RSPO1: variants seen among roughly 807,000 people sequenced by gnomAD.
The protein encoded by RSPO1 is R-spondin-1.
A neutral mutation model predicts 26.0 loss-of-function variants in RSPO1; 18 were observed. The ratio of observed to expected loss-of-function variants is 0.69; its 90% CI spans 0.48 to 1.03. The LOEUF (loss-of-function observed/expected upper bound fraction) is 1.03, where lower values mean the gene tolerates loss of function less well. RSPO1 is among the 50% of genes least tolerant of loss of function. The probability of loss-of-function intolerance (pLI) is 0.00; values close to 1 mark genes in which losing one functional copy is unlikely to be tolerated. For synonymous variants in RSPO1, 133 were observed against 137.4 expected, an observed-to-expected ratio of 0.97 and a Z score of 0.22; for missense variants, 309 against 352.3, an observed-to-expected ratio of 0.88 and a Z score of 0.98.
chr1:37,625,628 G>A (rs1428242075), intron 3 of RSPO1, among the ~76,000 whole-genome samples: 2 of 151,934 alleles, frequency 1.3e-5, no homozygotes, highest in Non-Finnish European at 2.9e-5. Flanking sequence ...GGCTTCCTGG[G>A]ACCTGCACAT....
At chr1:37,627,359 C>T (rs1644292892) in intron 3 of RSPO1, among the ~76,000 whole-genome samples, 1 of 146,016 alleles carries the variant, frequency 6.8e-6, no homozygotes, top group African/African-American at 2.5e-5. Flanking sequence ...ATGATTTGCA[C>T]CCAGAGTCTA....
chr1:37,632,443 G>C (rs1334775673), intron 1 of RSPO1, 90 bp from the exon 2 acceptor site: 1 of 152,220 alleles, frequency 6.6e-6, no homozygotes, highest in African/African-American at 2.4e-5. Context: ...AGAGTTGCAA[G>C]CACTTTTTGA....
intron 3 of RSPO1, among the ~76,000 whole-genome samples, chr1:37,622,024 G>C (rs908578423): frequency 2.0e-5 from 3 of 152,094 alleles, no homozygotes; most frequent in Non-Finnish European, 4.4e-5. Flanking sequence ...AGTCCATGAG[G>C]TGGCAAGAAG....
intron 3 of RSPO1, among the ~76,000 whole-genome samples, chr1:37,626,689 CAGTGAGAAG>C (rs1644281324): frequency 6.6e-6 from 1 of 152,016 alleles, no homozygotes; most frequent in Non-Finnish European, 1.5e-5. Flanking sequence ...GAGGATGGGG[CAGTGAGAAG>C]AGGCACAAAG....
At chr1:37,628,396 G>C (rs998988308) in intron 3 of RSPO1, among the ~76,000 whole-genome samples, 2 of 152,144 alleles carry the variant, frequency 1.3e-5, no homozygotes, top group African/African-American at 4.8e-5. Context: ...TCTCTCCCTG[G>C]GCTGAGTCCT....
chr1:37,614,261 A>G lies in RSPO1; in HGVS notation c.359T>C (p.Leu120Pro). 1 of 1,613,864 alleles carries G rather than the reference A, an allele frequency of 6.2e-7. No homozygotes were observed. Among genetic ancestry groups the G allele is most frequent in the African/African-American group, 1.3e-5 (1 of 75,050 alleles). The stretch of plus-strand genomic sequence containing the variant: ...AGCTGGATAGCAGCGGCCCTTGTGC[A>G]GGTACAAGCCCTCCTTACACTTGGT... ...FCTKCKEGLYLHKGRCYPACP... is the reference protein window; with the variant it reads ...FCTKCKEGLYPHKGRCYPACP... The change falls in exon 5 of 7, where the codon CTG becomes CCG. Residue 120 changes from leucine (L) to proline (P), a missense_variant. Transcript: ENST00000356545.
In RSPO1 at chr1:37,613,370, A is replaced by G. The variant is rs1329749574; in HGVS notation, c.625+334T>C. 6.6e-6 allele frequency among the ~76,000 whole-genome samples: 1 copy of G among 152,162 alleles called. No homozygotes were observed. Among genetic ancestry groups the G allele is most frequent in the Non-Finnish European group, 1.5e-5 (1 of 68,040 alleles). ...GCTGTGTGACTTTGGTGGAATCACTACACCCCTCTGGGTCTTAGTGCCCCT... is the reference window on the plus strand; with the variant it reads ...GCTGTGTGACTTTGGTGGAATCACTGCACCCCTCTGGGTCTTAGTGCCCCT... On this transcript the variant is annotated intron_variant, in intron 6 of 6. Transcript: ENST00000356545. The surrounding 1 kb of genome is among the most constrained non-coding windows in gnomAD (Gnocchi z 4.5).
chr1:37,624,859 C>T (rs928114724), intron 3 of RSPO1, among the ~76,000 whole-genome samples: 3 of 152,178 alleles, frequency 2.0e-5, no homozygotes, highest in African/African-American at 4.8e-5. Flanking sequence ...TGGGCCCATC[C>T]CATCCACCTT....
intron 3 of RSPO1, among the ~76,000 whole-genome samples, chr1:37,626,655 C>A (rs1021432460): frequency 7.2e-5 from 11 of 152,076 alleles, no homozygotes; most frequent in Admixed American, 1.3e-4. Flanking sequence ...GCTGTCAGTG[C>A]AGCAGGGGTA....
At position 37,616,652 on chromosome 1, in the gene RSPO1, A is replaced by C; in HGVS notation, c.118T>G (p.Cys40Gly). The C allele has an allele frequency of 3.1e-6, 5 of 1,614,080 alleles. No individual in the cohort carries two copies. Among genetic ancestry groups the C allele is most frequent in the Non-Finnish European group, 4.2e-6 (5 of 1,180,024 alleles). Residue 40 changes from cysteine (C) to glycine (G), a missense_variant, in exon 4 of 7, where the codon TGT becomes GGT. Transcript: ENST00000356545. ...RRISAEGSQA[C>G]AKGCELCSEV... ...GAGCAGAGCTCACAGCCTTTGGCACAGGCCTGGCTCCCCTCGGCACTGACT... is the reference window on the plus strand; with the variant it reads ...GAGCAGAGCTCACAGCCTTTGGCACCGGCCTGGCTCCCCTCGGCACTGACT...
At chr1:37,631,821 T>G (rs2148187635) in intron 2 of RSPO1, 1 of 152,356 alleles carries the variant, frequency 6.6e-6, no homozygotes, top group East Asian at 1.9e-4. Context: ...TATGAACATG[T>G]TCTGTATCAT....
chr1:37,626,483 C>T (rs776306251), intron 3 of RSPO1, among the ~76,000 whole-genome samples: 9 of 152,194 alleles, frequency 5.9e-5, no homozygotes, highest in Non-Finnish European at 1.0e-4. Context: ...TTCTCCTGTG[C>T]GGCATTCCCG....
In RSPO1 at chr1:37,612,576, T is replaced by C; in HGVS notation, c.*179A>G. 1 of 692,474 alleles carries C rather than the reference T, an allele frequency of 1.4e-6. No individual in the cohort carries two copies. The highest frequency in any genetic ancestry group is 1.6e-5 in the South Asian group (1 of 61,710). 42.9% of individuals were successfully genotyped at this position (692,474 alleles called of 1,614,324 possible). A position where few individuals can be genotyped will look rare whatever the true frequency, so the allele number is the denominator to read the frequency against. On this transcript the variant is annotated 3_prime_UTR_variant, in exon 7 of 7. Coordinates refer to ENST00000356545, the MANE Select transcript of RSPO1 (RefSeq NM_001242908.2). ...GTGTACATGAACACACATGTGCAAG[T>C]ATGTATGGTTGTATATGTGGACAGG...
intron 3 of RSPO1, among the ~76,000 whole-genome samples, chr1:37,626,837 G>A (rs948180575): frequency 2.0e-5 from 3 of 152,060 alleles, no homozygotes; most frequent in Non-Finnish European, 4.4e-5. Context: ...TACTCAGTGC[G>A]AGGGATGAGT....
chr1:37,612,518 G>GTA lies in RSPO1; in HGVS notation c.*236_*237insTA. The GTA allele has an allele frequency of 3.4e-6, 2 of 594,676 alleles. No homozygotes were observed. Among genetic ancestry groups the GTA allele is most frequent in the Non-Finnish European group, 3.0e-6 (1 of 328,306 alleles). The allele number at this position is 594,676 out of a possible 1,614,324, so 36.8% of individuals were successfully genotyped here. On this transcript the variant is annotated 3_prime_UTR_variant, in exon 7 of 7. Coordinates refer to ENST00000356545, the MANE Select transcript of RSPO1 (RefSeq NM_001242908.2). ...GCCTCAGGTGTGTGTGTGTGTGTGT[G>GTA]TGTATGTGTGTGTGTGGTGTCTGTG...
chr1:37,611,555 G>A lies in RSPO1; in HGVS notation c.*1200C>T, dbSNP rs1456230272. 1 of 152,266 alleles carries A rather than the reference G, an allele frequency of 6.6e-6. No individual in the cohort carries two copies. Among genetic ancestry groups the A allele is most frequent in the African/African-American group, 2.4e-5 (1 of 41,432 alleles). The allele number at this position is 152,266 out of a possible 1,614,324, so 9.4% of individuals were successfully genotyped here. On this transcript the variant is annotated 3_prime_UTR_variant, in exon 7 of 7. Coordinates refer to ENST00000356545, the MANE Select transcript of RSPO1 (RefSeq NM_001242908.2). ...TGTTTGGCTCCTCCCTGGAAACCTA[G>A]CACCTAGTCCAGAGCCTGGCACACA...
chr1:37,630,392 C>T (rs922366609), intron 2 of RSPO1, among the ~76,000 whole-genome samples: 1 of 152,222 alleles, frequency 6.6e-6, no homozygotes, highest in Non-Finnish European at 1.5e-5. Flanking sequence ...CTGAGTCACC[C>T]ATGTGCCTTT....
chr1:37,616,580 G>A lies in RSPO1; in HGVS notation c.190C>T (p.Leu64=). The A allele has an allele frequency of 6.2e-7, 1 of 1,614,210 alleles. No individual in the cohort carries two copies. The highest frequency in any genetic ancestry group is 1.3e-5 in the African/African-American group (1 of 75,064). ...ACCTGGCGGATGTCGTTCCTCTCCA[G>A]CAGGATGAACAGCTTGGGTGAGCAC... ...LKCSPKLFIL[L]ERNDIRQVGV... is the part of the protein sequence containing the mutation. Residue 64 remains leucine, a synonymous_variant, in exon 4 of 7, where the codon CTG becomes TTG. Coordinates refer to ENST00000356545, the MANE Select transcript of RSPO1 (RefSeq NM_001242908.2).
intron 3 of RSPO1, among the ~76,000 whole-genome samples, chr1:37,626,343 G>A (rs1374328333): frequency 6.6e-6 from 1 of 152,090 alleles, no homozygotes; most frequent in African/African-American, 2.4e-5. Flanking sequence ...CTTCTCCAGT[G>A]GAAATCCTAG....
Sources: allele counts gnomAD v4.1 joint callset (sites outside exome capture counted in the v4.1 genomes callset), GRCh38; gene constraint gnomAD v4.1.1; non-coding constraint Gnocchi (gnomAD v3.1); transcripts MANE v1.5; gene names NCBI Gene and HGNC (gene_info 2026-07-23, HGNC 2026-07-21).